TAB2: variants seen among roughly 807,000 people sequenced by gnomAD.
The protein encoded by TAB2 is TGF-beta-activated kinase 1 and MAP3K7-binding protein 2.
Under a neutral mutation model 65.0 loss-of-function variants are expected in TAB2, and 3 were observed. That is an observed-to-expected ratio of 0.05 (90% CI 0.02 to 0.12). TAB2 has a LOEUF of 0.12. Ranked by LOEUF, TAB2 falls within the 10% of genes least tolerant of loss-of-function variation. TAB2 has a pLI of 1.00. For synonymous variants in TAB2, 298 were observed against 285.1 expected (o/e 1.05, Z -0.46); for missense variants, 623 against 840.3 (o/e 0.74, Z 3.20).
intron 1 of TAB2, among the ~76,000 whole-genome samples, chr6:149,350,123 G>C (rs1293570930): frequency 6.6e-6 from 1 of 152,010 alleles, no homozygotes; most frequent in African/African-American, 2.4e-5. Flanking sequence ...GTAGAGACAG[G>C]GTTTCACCAT....
intron 1 of TAB2, among the ~76,000 whole-genome samples, chr6:149,278,651 T>C (rs150119001): frequency 6.6e-6 from 1 of 152,130 alleles, no homozygotes; most frequent in Non-Finnish European, 1.5e-5. Context: ...CAAAAGATGA[T>C]GCGTTTGGGA....
intron 1 of TAB2, among the ~76,000 whole-genome samples, chr6:149,288,745 T>G (rs931333261): frequency 2.0e-5 from 3 of 152,158 alleles, no homozygotes; most frequent in African/African-American, 7.2e-5. Context: ...GAACTAACAT[T>G]AGTTCTTTGT....
intron 1 of TAB2, among the ~76,000 whole-genome samples, chr6:149,239,841 C>T (rs1162538642): frequency 2.6e-5 from 4 of 152,158 alleles, no homozygotes; most frequent in Non-Finnish European, 1.5e-5. Context: ...TCTGTCTTCG[C>T]AGAGATGATA....
chr6:149,227,514 TG>T (rs1478375586), intron 1 of TAB2, among the ~76,000 whole-genome samples: 1 of 152,042 alleles, frequency 6.6e-6, no homozygotes, highest in Non-Finnish European at 1.5e-5. Context: ...GCCAGGCCAC[TG>T]GCTAAGGGGT....
At chr6:149,371,211 C>A (rs754113021) in intron 2 of TAB2, among the ~76,000 whole-genome samples, 7 of 151,742 alleles carry the variant, frequency 4.6e-5, no homozygotes, top group Non-Finnish European at 8.8e-5. Flanking sequence ...ACACCCTTAT[C>A]ACCATTATCA....
chr6:149,373,522 G>A (rs894887843), intron 2 of TAB2, among the ~76,000 whole-genome samples: 8 of 152,122 alleles, frequency 5.3e-5, no homozygotes, highest in Non-Finnish European at 7.4e-5. Context: ...TGCGATCAGC[G>A]ATCATATTCC....
chr6:149,246,749 C>T (rs1188486223), intron 1 of TAB2: 1 of 152,338 alleles, frequency 6.6e-6, no homozygotes, highest in African/African-American at 2.4e-5. Flanking sequence ...TCACTGCAGC[C>T]TCGGACTCCT....
chr6:149,337,364 G>C (rs1426972473), intron 1 of TAB2, among the ~76,000 whole-genome samples: 1 of 152,086 alleles, frequency 6.6e-6, no homozygotes. Flanking sequence ...ACCACTCTGA[G>C]GGGGACTCTG....
intron 2 of TAB2, among the ~76,000 whole-genome samples, chr6:149,376,305 A>G (rs1017798186): frequency 2.0e-5 from 3 of 152,058 alleles, no homozygotes; most frequent in Non-Finnish European, 4.4e-5. Flanking sequence ...CTGTTCATCC[A>G]CTTTCAGTAG....
At chr6:149,372,663 A>G (rs576796670) in intron 2 of TAB2, among the ~76,000 whole-genome samples, 6 of 152,330 alleles carry the variant, frequency 3.9e-5, no homozygotes, top group African/African-American at 1.4e-4. Context: ...CTTGCCTGAA[A>G]CAGACCACAC....
intron 1 of TAB2, among the ~76,000 whole-genome samples, chr6:149,302,163 T>C (rs1778982376): frequency 1.3e-5 from 2 of 152,188 alleles, no homozygotes; most frequent in African/African-American, 4.8e-5. Flanking sequence ...TTTTCCCAAA[T>C]GCTAGAAAAT....
In TAB2 at chr6:149,345,181, T is replaced by TA. The variant is rs139631338; in HGVS notation, c.-89-24718dup. 2.7e-3 allele frequency among the ~76,000 whole-genome samples: 393 copies of TA among 148,180 alleles called. 1 individual carries two copies. Among genetic ancestry groups the TA allele is most frequent in the African/African-American group, 8.4e-3 (341 of 40,582 alleles). On this transcript the variant is annotated intron_variant, in intron 1 of 6. Transcript: ENST00000637181. ...AGTTCACCTTGAGTTAGCCTTTAGG[T>TA]AAAAAAAAAAGTCACCTGGCTTCTT... is the stretch of plus-strand genomic sequence containing the variant.
At chr6:149,398,218 C>A (rs141587899) in intron 5 of TAB2, among the ~76,000 whole-genome samples, 156 bp downstream of exon 5, 236 of 152,216 alleles carry the variant, frequency 1.6e-3, no homozygotes, top group African/African-American at 4.4e-3. Flanking sequence ...TAAAAAGTCA[C>A]CCCCATCTCA....
At chr6:149,408,225 A>AT (rs1205899388) in intron 6 of TAB2, among the ~76,000 whole-genome samples, 3 of 152,044 alleles carry the variant, frequency 2.0e-5, no homozygotes, top group African/African-American at 7.2e-5. Context: ...CAGACCCTTG[A>AT]TTTTTTTAGA....
chr6:149,381,138 T>G (rs1037248304), intron 3 of TAB2, among the ~76,000 whole-genome samples: 3 of 152,194 alleles, frequency 2.0e-5, no homozygotes, highest in Non-Finnish European at 4.4e-5. Context: ...TTAAGTAAAG[T>G]GAATCCTAGG....
At chr6:149,252,400 CAA>C (rs10700931) in intron 1 of TAB2, among the ~76,000 whole-genome samples, 27 of 92,816 alleles carry the variant, frequency 2.9e-4, no homozygotes, top group African/African-American at 2.3e-4. Context: ...AACTCTGCCT[CAA>C]AAAAAAAAAA....
At chr6:149,280,032 A>G (rs1167235425) in intron 1 of TAB2, among the ~76,000 whole-genome samples, 1 of 152,116 alleles carries the variant, frequency 6.6e-6, no homozygotes, top group Non-Finnish European at 1.5e-5. Flanking sequence ...CCTCTTATTT[A>G]TTATTGTACA....
intron 1 of TAB2, among the ~76,000 whole-genome samples, chr6:149,329,173 A>G (rs1779709852): frequency 6.6e-6 from 1 of 152,228 alleles, no homozygotes; most frequent in South Asian, 2.1e-4. Flanking sequence ...TCTTAAATTA[A>G]CATTCTAGAA....
chr6:149,288,369 C>A (rs1427248706), intron 1 of TAB2, among the ~76,000 whole-genome samples: 1 of 152,168 alleles, frequency 6.6e-6, no homozygotes, highest in Non-Finnish European at 1.5e-5. Flanking sequence ...GACTCTGCAC[C>A]CCTCCAGGAG....
Sources: gnomAD v4.1 joint callset for allele counts (sites outside exome capture counted in the v4.1 genomes callset) on GRCh38, gnomAD v4.1.1 for gene constraint, MANE v1.5 for transcripts, NCBI Gene and HGNC (gene_info 2026-07-23, HGNC 2026-07-21) for gene names.